Variants in BCAR1 observed in about 807,000 individuals in gnomAD.
The protein encoded by BCAR1 is BCAR1 scaffold protein, Cas family member, also known as breast cancer anti-estrogen resistance protein 1.
BCAR1 carries 30 observed loss-of-function variants against 67.6 expected under a neutral mutation model. The ratio of observed to expected loss-of-function variants is 0.44; its 90% CI spans 0.33 to 0.60. The LOEUF (loss-of-function observed/expected upper bound fraction) is 0.60. Ranked by LOEUF, BCAR1 falls within the 20% of genes least tolerant of loss-of-function variation. The pLI is 0.02. For missense variants in BCAR1, 1,313 were observed against 1,222.3 expected (o/e 1.07, Z -1.11); for synonymous variants, 626 against 556.7 (o/e 1.12, Z -1.75).
At chr16:75,243,133 TG>T in intron 1 of BCAR1, 43 bp from the exon 2 acceptor site, 1 of 1,539,768 alleles carries the variant, frequency 6.5e-7, no homozygotes, top group Non-Finnish European at 8.8e-7. Flanking sequence ...AGGATGTGCA[TG>T]GGGCGTCAGG....
chr16:75,247,023 C>T (rs1448991409), intron 1 of BCAR1: 4 of 152,490 alleles, frequency 2.6e-5, no homozygotes, highest in African/African-American at 9.7e-5. Context: ...TCCTGCCGCA[C>T]CCTACTCCCA....
At chr16:75,266,159 T>A in intron 1 of BCAR1, 2 of 420,840 alleles carry the variant, frequency 4.8e-6, no homozygotes, top group Non-Finnish European at 6.4e-6. Flanking sequence ...CCACCTCCAG[T>A]CGCACCAGCT....
chr16:75,239,768 C>T (rs1351671120), intron 2 of BCAR1, among the ~76,000 whole-genome samples: 1 of 152,156 alleles, frequency 6.6e-6, no homozygotes, highest in African/African-American at 2.4e-5. Context: ...ACCACCATAG[C>T]CCGCTCCCCT....
At position 75,247,918 on chromosome 16, in the gene BCAR1, G is replaced by C. The variant is rs546558176; in HGVS notation, c.12+3553C>G. The C allele has an allele frequency of 1.6e-4, 117 of 741,266 alleles. No homozygotes were observed. The African/African-American group carries it at 1.9e-3, about 12-fold the overall frequency. 45.9% of individuals were successfully genotyped at this position (741,266 alleles called of 1,614,324 possible). A position where few individuals can be genotyped will look rare whatever the true frequency, so the allele number is the denominator to read the frequency against. On this transcript the variant is annotated intron_variant, in intron 1 of 6. Coordinates refer to ENST00000162330, the MANE Select transcript of BCAR1 (RefSeq NM_014567.5). ...CAGGGTTGGGGGCAGACAAGGAAAT[G>C]GGTAATAGTGCCACACTTGTCACTA...
chr16:75,234,114 A>C (rs1004169367), intron 5 of BCAR1, among the ~76,000 whole-genome samples, 179 bp from the exon 6 acceptor site: 18 of 140,552 alleles, frequency 1.3e-4, no homozygotes, highest in Non-Finnish European at 9.1e-5. Context: ...CACACACACA[A>C]GCACACGTGA....
chr16:75,265,629 T>C (rs1445769582), intron 1 of BCAR1, among the ~76,000 whole-genome samples: 2 of 151,336 alleles, frequency 1.3e-5, no homozygotes, highest in Non-Finnish European at 3.0e-5. Flanking sequence ...TGAAAGAGGA[T>C]GGAAAGGCGG....
intron 6 of BCAR1, among the ~76,000 whole-genome samples, chr16:75,230,280 G>C (rs1306868680): frequency 2.6e-5 from 4 of 152,178 alleles, no homozygotes; most frequent in Non-Finnish European, 5.9e-5. Context: ...GAAATGACAA[G>C]ATGGACAACA....
chr16:75,235,448 G>T lies in BCAR1; in HGVS notation c.1451C>A (p.Ala484Asp). ...GCTACGCCAGCTCCCAGTCGCACCG[G>T]CGCTGCCTGCCAGGTCCAGAAGGTG... ...VAHLLDLAGS[A>D]GATGSWRSPS... The change falls in exon 5 of 7, where the codon GCC (alanine) becomes GAC (aspartate). Residue 484 changes from alanine to aspartate, a missense_variant. By Grantham distance (126) the Ala-to-Asp change is moderately radical. Around this residue, in one of 2 missense-constraint regions of BCAR1, gnomAD observed 1,272 missense variants for 1,137.5 expected, o/e 1.12. Transcript: ENST00000162330. 6.2e-7 allele frequency: 1 copy of T among 1,607,432 alleles called. No homozygotes were observed.
upstream of BCAR1, chr16:75,251,738 G>C (rs933065422): frequency 1.4e-5 from 13 of 959,476 alleles, no homozygotes; most frequent in Non-Finnish European, 1.6e-5. Context: ...CGCCTGTCGG[G>C]GGCGCGGGCG....
upstream of BCAR1, among the ~76,000 whole-genome samples, chr16:75,254,029 G>A (rs1228930262): frequency 2.7e-5 from 4 of 150,272 alleles, no homozygotes; most frequent in Admixed American, 2.6e-4. Context: ...TCGAACTCCT[G>A]ACCTCAAGTG....
rs758866715 is a variant in BCAR1, at chr16:75,230,018, C to T, written c.2106G>A (p.Lys702=). 25 of 1,531,998 alleles carry T rather than the reference C, an allele frequency of 1.6e-5. No individual in the cohort carries two copies. In the South Asian group the frequency reaches 3.1e-4, roughly 19 times the overall value. 94.9% of individuals were successfully genotyped at this position (1,531,998 alleles called of 1,614,324 possible). A position where few individuals can be genotyped will look rare whatever the true frequency, so the allele number is the denominator to read the frequency against. Residue 702 remains lysine, a synonymous_variant, in exon 7 of 7, where the codon AAG becomes AAA. Transcript: ENST00000162330. ...CCTCCTGTTCCAGTCGTTCAAACTG[C>T]TTCAGCTGGGGCAGGAGGGAAGCAG... is the stretch of plus-strand genomic sequence containing the variant. ...GKSQLELQQL[K]QFERLEQEVS...
rs1369280168 is a variant in BCAR1 at position 75,237,314 on chromosome 16, A to C, written c.664T>G (p.Tyr222Asp). 6.7e-7 allele frequency: 1 copy of C among 1,491,470 alleles called. No homozygotes were observed. The highest frequency in any genetic ancestry group is 8.9e-7 in the Non-Finnish European group (1 of 1,123,420). The allele number at this position is 1,491,470 out of a possible 1,614,324, so 92.4% of individuals were successfully genotyped here. ...VVVPTRVGQG[Y>D]VYEAAQPEQD... is the part of the protein sequence containing the mutation. ...TCCGGCTGGGCGGCCTCGTATACAT[A>C]GCCCTGCCCCACGCGGGTGGGCACC... The change falls in exon 3 of 7, where the codon TAT becomes GAT. Residue 222 changes from tyrosine (Y) to aspartate (D), a missense_variant. By Grantham distance (160) the Tyr-to-Asp change is radical. This residue lies in a region of BCAR1 where 1,272 missense variants were observed against 1,137.5 expected (regional missense o/e 1.12). Transcript: ENST00000162330.
chr16:75,235,603 G>A lies in BCAR1; in HGVS notation c.1296C>T (p.Thr432=), dbSNP rs777753016. 1.1e-5 allele frequency: 18 copies of A among 1,593,318 alleles called. No individual in the cohort carries two copies. The highest frequency in any genetic ancestry group is 6.7e-5 in the South Asian group (6 of 88,926). The change falls in exon 5 of 7, where the codon ACC becomes ACT. Residue 432 remains threonine (T), a synonymous_variant. Coordinates refer to ENST00000162330, the MANE Select transcript of BCAR1 (RefSeq NM_014567.5). ...AEGKRLSASS[T]GSTRSSQSAS... ...CAGACTGGCTGCTGCGTGTGCTGCC[G>A]GTGCTGGAGGCCGACAGGCGCTTGC...
Position 75,229,812 on chromosome 16 carries a change from G to GT in BCAR1, c.2311dup (p.Thr771AsnfsTer37). 1 of 1,613,558 alleles carries GT rather than the reference G, an allele frequency of 6.2e-7. No homozygotes were observed. Among genetic ancestry groups the GT allele is most frequent in the Non-Finnish European group, 8.5e-7 (1 of 1,180,000 alleles). On this transcript the variant is annotated frameshift_variant, in exon 7 of 7. Coordinates refer to ENST00000162330, the MANE Select transcript of BCAR1 (RefSeq NM_014567.5). LOFTEE classifies it high-confidence loss of function. Reference sequence around the variant, plus strand: ...CACAAAGATCTTGGGCGGCTGGTTGGTGGCCACGGCGGTAAAGAAGGCGTC... The same window carrying GT: ...CACAAAGATCTTGGGCGGCTGGTTGGTTGGCCACGGCGGTAAAGAAGGCGTC...
At chr16:75,238,783 T>C in intron 2 of BCAR1, 1 of 985,494 alleles carries the variant, frequency 1.0e-6, no homozygotes, top group Non-Finnish European at 1.2e-6. Flanking sequence ...GAACTATTTT[T>C]AGATGCAGGG....
At chr16:75,258,191 C>T (rs2151475358) in intron 1 of BCAR1, among the ~76,000 whole-genome samples, 1 of 152,368 alleles carries the variant, frequency 6.6e-6, no homozygotes, top group South Asian at 2.1e-4. Context: ...CATCCCGCAA[C>T]CAAGCCCTCC....
At position 75,242,622 on chromosome 16, in the gene BCAR1, C is replaced by T. The variant is rs61736963; in HGVS notation, c.481G>A (p.Ala161Thr). 1.4e-3 allele frequency: 2,195 copies of T among 1,513,910 alleles called. 25 individuals carry two copies. The African/African-American group carries it at 0.028, about 19-fold the overall frequency. 93.8% of individuals were successfully genotyped at this position (1,513,910 alleles called of 1,614,324 possible). Residue 161 changes from alanine to threonine, a missense_variant, in exon 2 of 7, where the codon GCC becomes ACC. Ala to Thr is a moderately conservative substitution (Grantham distance 58, BLOSUM62 0). Coordinates refer to ENST00000162330, the MANE Select transcript of BCAR1 (RefSeq NM_014567.5). ...GGGGGCACCTGGTACAGGTCTGTGG[C>T]CGGGCTGGGAAACGGGTGATGGGGT... The part of the protein sequence containing the change: ...QTPHHPFPSP[A>T]TDLYQVPPGP...
chr16:75,237,627 C>G (rs2077186910), intron 2 of BCAR1, among the ~76,000 whole-genome samples: 1 of 152,224 alleles, frequency 6.6e-6, no homozygotes, highest in Non-Finnish European at 1.5e-5. Context: ...GAAGGCTCCA[C>G]AGAGGAGCAT....
intron 6 of BCAR1, 148 bp downstream of exon 6, chr16:75,233,698 G>A (rs768172865): frequency 1.7e-5 from 12 of 694,454 alleles, no homozygotes; most frequent in Non-Finnish European, 2.8e-5. Context: ...ATGGTCAGGA[G>A]GCAGGGGGGT....
Sources: allele counts gnomAD v4.1 joint callset (sites outside exome capture counted in the v4.1 genomes callset), GRCh38; gene constraint gnomAD v4.1.1; regional missense constraint gnomAD v4.1.1; transcripts MANE v1.5; gene names NCBI Gene and HGNC (gene_info 2026-07-23, HGNC 2026-07-21).